TRPC6: variants seen among roughly 807,000 people sequenced by gnomAD.
TRPC6 encodes short transient receptor potential channel 6.
Under a neutral mutation model 90.7 loss-of-function variants are expected in TRPC6, and 55 were observed. The observed-to-expected ratio is 0.61, with a 90% confidence interval of 0.49 to 0.76. The LOEUF is 0.76. Ranked by LOEUF, TRPC6 falls within the 30% of genes least tolerant of loss-of-function variation. The pLI, the probability that TRPC6 is intolerant of heterozygous loss-of-function variation, is 0.00. For synonymous variants in TRPC6, 393 were observed against 393.0 expected, an observed-to-expected ratio of 1.00 and a Z score of 0.00; for missense variants, 989 against 1,122.7, an observed-to-expected ratio of 0.88 and a Z score of 1.70.
intron 1 of TRPC6, among the ~76,000 whole-genome samples, chr11:101,576,069 T>G (rs1485473745): frequency 2.6e-5 from 4 of 152,168 alleles, no homozygotes; most frequent in Non-Finnish European, 5.9e-5. Flanking sequence ...CCAAATATAT[T>G]GGGTTTTGCC....
At chr11:101,517,154 TACA>T (rs1197386050) in intron 1 of TRPC6, among the ~76,000 whole-genome samples, 1 of 152,198 alleles carries the variant, frequency 6.6e-6, no homozygotes, top group Non-Finnish European at 1.5e-5. Flanking sequence ...TGCCTCTACT[TACA>T]ATAGTATGTT....
At chr11:101,558,900 CA>C (rs1861648949) in intron 1 of TRPC6, among the ~76,000 whole-genome samples, 1 of 152,008 alleles carries the variant, frequency 6.6e-6, no homozygotes, top group South Asian at 2.1e-4. Context: ...AACATAAGAT[CA>C]AAAACTGTAA....
At chr11:101,521,173 C>T (rs555279458) in intron 1 of TRPC6, among the ~76,000 whole-genome samples, 21 of 150,718 alleles carry the variant, frequency 1.4e-4, no homozygotes, top group African/African-American at 3.6e-4. Flanking sequence ...CCCCTTCTAT[C>T]GCAAGCCTGG....
rs1859282595 is a variant in TRPC6, at chr11:101,471,122, A to G, written c.2409+61T>C. The stretch of plus-strand genomic sequence containing the variant: ...CTGCTTCTCTTTAAAGGGATGTGGC[A>G]TAGTGGTTACAGTAGTCACAAAATT... On this transcript the variant is annotated intron_variant, in intron 9 of 12. Coordinates refer to ENST00000344327, the MANE Select transcript of TRPC6 (RefSeq NM_004621.6). 5.2e-6 allele frequency: 8 copies of G among 1,526,780 alleles called. No homozygotes were observed. The South Asian group carries it at 9.0e-5, about 17-fold the overall frequency. 94.6% of individuals were successfully genotyped at this position (1,526,780 alleles called of 1,614,324 possible).
At chr11:101,486,564 T>A (rs984581601) in intron 4 of TRPC6, among the ~76,000 whole-genome samples, 7 of 152,220 alleles carry the variant, frequency 4.6e-5, no homozygotes, top group African/African-American at 1.7e-4. Flanking sequence ...CTTATTGTAA[T>A]GAACAAAAAC....
At chr11:101,493,556 T>A (rs1859877620) in intron 2 of TRPC6, among the ~76,000 whole-genome samples, 1 of 152,190 alleles carries the variant, frequency 6.6e-6, no homozygotes, top group African/African-American at 2.4e-5. Flanking sequence ...TGCCACTTTA[T>A]CTCTCTTATT....
At chr11:101,552,293 A>C (rs1271909374) in intron 1 of TRPC6, among the ~76,000 whole-genome samples, 2 of 152,100 alleles carry the variant, frequency 1.3e-5, no homozygotes, top group Admixed American at 1.3e-4. Flanking sequence ...CGAAGAGGAG[A>C]AATCAACGTA....
chr11:101,520,110 G>A (rs779694340), intron 1 of TRPC6, among the ~76,000 whole-genome samples: 67 of 152,182 alleles, frequency 4.4e-4, no homozygotes, highest in Admixed American at 1.3e-3. Flanking sequence ...ATGTTGAATT[G>A]TAATCCCCAG....
intron 5 of TRPC6, among the ~76,000 whole-genome samples, chr11:101,476,850 C>G (rs1382757996): frequency 6.6e-6 from 1 of 152,156 alleles, no homozygotes; most frequent in African/African-American, 2.4e-5. Context: ...AACCCAAACA[C>G]ACCCACACAC....
intron 1 of TRPC6, among the ~76,000 whole-genome samples, chr11:101,517,545 T>C (rs1860551511): frequency 6.6e-6 from 1 of 152,228 alleles, no homozygotes; most frequent in Non-Finnish European, 1.5e-5. Flanking sequence ...ATGCTAGTTA[T>C]TTAAGTGTTT....
chr11:101,578,192 A>G (rs1862113980), intron 1 of TRPC6, among the ~76,000 whole-genome samples: 1 of 152,192 alleles, frequency 6.6e-6, no homozygotes, highest in Non-Finnish European at 1.5e-5. Flanking sequence ...TGAACAAATA[A>G]ATGTAAAAAT....
chr11:101,497,856 C>T (rs1370170822), intron 2 of TRPC6, among the ~76,000 whole-genome samples: 5 of 151,900 alleles, frequency 3.3e-5, no homozygotes, highest in Non-Finnish European at 7.4e-5. Flanking sequence ...CCTCCCATTG[C>T]CCCCCACCCC....
intron 4 of TRPC6, among the ~76,000 whole-genome samples, chr11:101,487,424 C>T (rs959439921): frequency 6.6e-6 from 1 of 152,046 alleles, no homozygotes; most frequent in Non-Finnish European, 1.5e-5. Flanking sequence ...TTTTGTTACA[C>T]CAGTATACTG....
intron 12 of TRPC6, among the ~76,000 whole-genome samples, chr11:101,453,369 G>A (rs1858807815): frequency 6.6e-6 from 1 of 152,128 alleles, no homozygotes; most frequent in Admixed American, 6.5e-5. Flanking sequence ...AGGGGTTGAG[G>A]CAGCAGCCCC....
At chr11:101,491,430 T>C (rs914386151) in intron 3 of TRPC6, 126 bp downstream of exon 3, 9 of 1,227,578 alleles carry the variant, frequency 7.3e-6, no homozygotes, top group Admixed American at 2.1e-5. Context: ...CGAGACTCCA[T>C]CTCAAAAAAA....
chr11:101,486,167 T>G (rs528889759), intron 4 of TRPC6, among the ~76,000 whole-genome samples: 3 of 152,156 alleles, frequency 2.0e-5, no homozygotes, highest in Non-Finnish European at 2.9e-5. Context: ...GTTTGAAACC[T>G]CGTAGCCTTT....
chr11:101,549,998 T>C lies in TRPC6; in HGVS notation c.170+33336A>G, dbSNP rs947810878. On this transcript the variant is annotated intron_variant, in intron 1 of 12. Coordinates refer to ENST00000344327, the MANE Select transcript of TRPC6 (RefSeq NM_004621.6). ...TGATACCAAATTATAACCTCCCTTTTTTCTGATGACACAGAAAGTGGAACA... is the reference window on the plus strand; with the variant it reads ...TGATACCAAATTATAACCTCCCTTTCTTCTGATGACACAGAAAGTGGAACA... 2.6e-5 allele frequency among the ~76,000 whole-genome samples: 4 copies of C among 151,752 alleles called. No individual in the cohort carries two copies. The East Asian group carries it at 7.7e-4, about 29-fold the overall frequency.
intron 1 of TRPC6, among the ~76,000 whole-genome samples, chr11:101,534,859 A>G (rs1478529352): frequency 6.6e-6 from 1 of 152,196 alleles, no homozygotes; most frequent in Non-Finnish European, 1.5e-5. Flanking sequence ...CAAGATTTAT[A>G]TGAGAAAATG....
rs936310592 is a variant in TRPC6, at chr11:101,529,473, C to T, written c.171-24675G>A. ...ATCTCTTGCCCTTTAACTAGGACTT[C>T]GGACATACATAGTACTTCAAAATTG... On this transcript the variant is annotated intron_variant, in intron 1 of 12. Transcript: ENST00000344327. Among the ~76,000 whole-genome samples the T allele has an allele frequency of 5.9e-5, 9 of 152,160 alleles. No individual in the cohort carries two copies. In the East Asian group the frequency reaches 9.6e-4, roughly 16 times the overall value.
Sources: allele counts gnomAD v4.1 joint callset (sites outside exome capture counted in the v4.1 genomes callset), GRCh38; gene constraint gnomAD v4.1.1; transcripts MANE v1.5; gene names NCBI Gene and HGNC (gene_info 2026-07-23, HGNC 2026-07-21).